TNNI3K: variants seen among roughly 807,000 people sequenced by gnomAD.
TNNI3K encodes TNNI3 interacting kinase, also known as serine/threonine-protein kinase TNNI3K.
TNNI3K carries 140 observed loss-of-function variants against 114.5 expected under a neutral mutation model. The ratio of observed to expected loss-of-function variants is 1.22; its 90% CI spans 1.07 to 1.41. TNNI3K has a LOEUF of 1.41. Ranked by LOEUF, TNNI3K falls within the 40% of genes most tolerant of loss-of-function variation. The pLI is 0.00. For synonymous variants in TNNI3K, 347 were observed against 347.5 expected (o/e 1.00, Z 0.02); for missense variants, 1,125 against 1,007.6 (o/e 1.12, Z -1.58).
At chr1:74,502,305 T>A (rs1389683710) in intron 23 of TNNI3K, among the ~76,000 whole-genome samples, 2 of 152,214 alleles carry the variant, frequency 1.3e-5, no homozygotes, top group African/African-American at 4.8e-5. Flanking sequence ...GCCAAACACC[T>A]ATTTGTGATG....
At position 74,327,501 on chromosome 1, in the gene TNNI3K, G is replaced by A. The variant is rs575182930; in HGVS notation, c.445-3949G>A. ...TTCTTATATATGTATTTCAGTAGTA[G>A]CATTTAATATATATATCTCAGTATT... On this transcript the variant is annotated intron_variant, in intron 5 of 24. Coordinates refer to ENST00000326637, the MANE Select transcript of TNNI3K (RefSeq NM_015978.3). Among the ~76,000 whole-genome samples the A allele has an allele frequency of 2.8e-5, 4 of 145,390 alleles. No individual in the cohort carries two copies. In the South Asian group the frequency reaches 8.7e-4, roughly 31 times the overall value.
At chr1:74,432,121 G>C (rs920123663) in intron 17 of TNNI3K, among the ~76,000 whole-genome samples, 1 of 152,046 alleles carries the variant, frequency 6.6e-6, no homozygotes, top group African/African-American at 2.4e-5. Context: ...GTACATGTTT[G>C]TATATTATAG....
chr1:74,447,040 A>C (rs576361206), intron 20 of TNNI3K, among the ~76,000 whole-genome samples: 1 of 142,924 alleles, frequency 7.0e-6, no homozygotes, highest in East Asian at 2.1e-4. Flanking sequence ...TTTTGGTTCC[A>C]TATGAACTTT....
intron 5 of TNNI3K, among the ~76,000 whole-genome samples, chr1:74,295,709 T>C (rs1446169557): frequency 6.6e-6 from 1 of 152,194 alleles, no homozygotes; most frequent in African/African-American, 2.4e-5. Flanking sequence ...ATTTTTCTTT[T>C]GATCCTTTTA....
chr1:74,361,669 G>A (rs1429749878), intron 11 of TNNI3K, among the ~76,000 whole-genome samples: 2 of 151,974 alleles, frequency 1.3e-5, no homozygotes, highest in Non-Finnish European at 2.9e-5. Flanking sequence ...TAAGTACTAT[G>A]AATAAAATAA....
At chr1:74,441,095 A>C (rs1666356950) in intron 20 of TNNI3K, among the ~76,000 whole-genome samples, 1 of 152,118 alleles carries the variant, frequency 6.6e-6, no homozygotes, top group Admixed American at 6.6e-5. Flanking sequence ...TTATTTAGGC[A>C]TAATATACCT....
Position 74,427,656 on chromosome 1 carries a change from C to T in TNNI3K, c.1773-8424C>T, listed in dbSNP as rs961758895. On this transcript the variant is annotated intron_variant, in intron 17 of 24. Transcript: ENST00000326637. ...TATATAATGAATACATAGCTGTCATCTCCTGTGTTGTTACCTTGATCGTCA... is the reference window on the plus strand; with the variant it reads ...TATATAATGAATACATAGCTGTCATTTCCTGTGTTGTTACCTTGATCGTCA... Among the ~76,000 whole-genome samples, 3 of 152,046 alleles carry T rather than the reference C, an allele frequency of 2.0e-5. No homozygotes were observed. In the East Asian group the frequency reaches 5.8e-4, roughly 29 times the overall value.
At chr1:74,418,717 C>A (rs759020812) in intron 17 of TNNI3K, among the ~76,000 whole-genome samples, 13 of 151,808 alleles carry the variant, frequency 8.6e-5, no homozygotes, top group Non-Finnish European at 1.3e-4. Context: ...AAACAAAATT[C>A]TCCCTAACCC....
chr1:74,237,094 G>A (rs940985079), intron 2 of TNNI3K, among the ~76,000 whole-genome samples: 1 of 151,836 alleles, frequency 6.6e-6, no homozygotes, highest in African/African-American at 2.4e-5. Context: ...TCACATAATT[G>A]GCAAATAAAA....
chr1:74,302,762 G>T (rs1658404669), intron 5 of TNNI3K, among the ~76,000 whole-genome samples: 1 of 152,182 alleles, frequency 6.6e-6, no homozygotes, highest in Non-Finnish European at 1.5e-5. Context: ...GCTGAGGTTG[G>T]TTCATGAAAT....
intron 2 of TNNI3K, among the ~76,000 whole-genome samples, chr1:74,241,832 T>C (rs1411265512): frequency 4.7e-5 from 7 of 150,420 alleles, no homozygotes; most frequent in African/African-American, 1.7e-4. Flanking sequence ...TTTGGTGTTT[T>C]AGACATGAAG....
chr1:74,524,502 A>C (rs1353450338), intron 23 of TNNI3K, among the ~76,000 whole-genome samples: 1 of 152,204 alleles, frequency 6.6e-6, no homozygotes, highest in South Asian at 2.1e-4. Flanking sequence ...AAAAAATTGC[A>C]CAGGAAAATG....
chr1:74,284,372 CCT>C (rs1228016324), intron 5 of TNNI3K, among the ~76,000 whole-genome samples: 2 of 152,148 alleles, frequency 1.3e-5, no homozygotes, highest in African/African-American at 2.4e-5. Context: ...CAGCAACTGT[CCT>C]CTCTCACAGA....
intron 5 of TNNI3K, among the ~76,000 whole-genome samples, chr1:74,301,532 G>T (rs537588452): frequency 1.4e-5 from 1 of 73,398 alleles, no homozygotes; most frequent in East Asian, 9.1e-4. Context: ...AATAACTGAA[G>T]AATTTCAACT....
At chr1:74,534,484 T>C (rs976026688) in intron 23 of TNNI3K, among the ~76,000 whole-genome samples, 1 of 152,138 alleles carries the variant, frequency 6.6e-6, no homozygotes, top group African/African-American at 2.4e-5. Flanking sequence ...TGGCAGGCTG[T>C]AGTTTGGAAG....
chr1:74,369,065 T>G lies in TNNI3K; in HGVS notation c.1365T>G (p.His455Gln). The change falls in exon 14 of 25, where the codon CAT (histidine) becomes CAG (glutamine). Residue 455 changes from histidine (H) to glutamine (Q), a missense_variant. Physicochemically the swap from His to Gln is conservative, Grantham distance 24. Transcript: ENST00000326637. ...ILLLRAGLPS[H>Q]FHLQLSEIEF... Reference sequence around the variant, plus strand: ...TCCTAAGAGCTGGATTGCCTTCACATTTCCATCTTCAGCTCTCAGAAATTG... The same window carrying G: ...TCCTAAGAGCTGGATTGCCTTCACAGTTCCATCTTCAGCTCTCAGAAATTG... The G allele has an allele frequency of 1.2e-6, 2 of 1,610,148 alleles. No individual in the cohort carries two copies. The highest frequency in any genetic ancestry group is 1.1e-5 in the South Asian group (1 of 90,142).
chr1:74,326,551 T>C (rs1659915858), intron 5 of TNNI3K, among the ~76,000 whole-genome samples: 1 of 152,202 alleles, frequency 6.6e-6, no homozygotes, highest in South Asian at 2.1e-4. Flanking sequence ...AAAATCCTTT[T>C]ACCTGGAGTC....
At position 74,249,552 on chromosome 1, in the gene TNNI3K, C is replaced by T. The variant is rs1654799902; in HGVS notation, c.235+8C>T. On this transcript the variant is annotated splice_region_variant and intron_variant, in intron 3 of 24. Transcript: ENST00000326637. ...TATGTTGCATTTGTGGAGGTGAGTA[C>T]TTGAAACTTAGTACTTCTTAAACTG... 1 of 1,612,750 alleles carries T rather than the reference C, an allele frequency of 6.2e-7. No individual in the cohort carries two copies. Among genetic ancestry groups the T allele is most frequent in the Non-Finnish European group, 8.5e-7 (1 of 1,179,416 alleles).
chr1:74,333,495 TATGCA>T (rs1318134858), intron 6 of TNNI3K, among the ~76,000 whole-genome samples: 1 of 152,218 alleles, frequency 6.6e-6, no homozygotes, highest in African/African-American at 2.4e-5. Context: ...AAAGAGCCTG[TATGCA>T]TGTTGGGTGG....
Sources: allele counts gnomAD v4.1 joint callset (sites outside exome capture counted in the v4.1 genomes callset), GRCh38; gene constraint gnomAD v4.1.1; transcripts MANE v1.5; gene names NCBI Gene and HGNC (gene_info 2026-07-23, HGNC 2026-07-21).